The following TBC1D2B variants were observed in gnomAD, a reference collection of about 807,000 sequenced individuals.
TBC1D2B encodes the protein TBC1 domain family, member 2B.
A neutral mutation model predicts 100.8 loss-of-function variants in TBC1D2B; 64 were observed. That is an observed-to-expected ratio of 0.64 (90% CI 0.52 to 0.78). The LOEUF (loss-of-function observed/expected upper bound fraction) is 0.78. Ranked by LOEUF, TBC1D2B falls within the 30% of genes least tolerant of loss-of-function variation. TBC1D2B has a pLI of 0.00. For synonymous variants in TBC1D2B, 480 were observed against 479.7 expected, an observed-to-expected ratio of 1.00 and a Z score of -0.01; for missense variants, 1,052 against 1,218.4, an observed-to-expected ratio of 0.86 and a Z score of 2.03.
In TBC1D2B at chr15:78,019,158, C is replaced by T. The variant is rs549416358; in HGVS notation, c.1471-1201G>A. Among the ~76,000 whole-genome samples the T allele has an allele frequency of 2.1e-3, 313 of 152,200 alleles. 1 individual carries two copies. The highest frequency in any genetic ancestry group is 7.1e-3 in the African/African-American group (293 of 41,526). Reference sequence around the variant, plus strand: ...AACAAGAAACCACCACGGGATTATACCACTTCCCCCATAAAATGCAGAAGA... The same window carrying T: ...AACAAGAAACCACCACGGGATTATATCACTTCCCCCATAAAATGCAGAAGA... On this transcript the variant is annotated intron_variant, in intron 6 of 12. Coordinates refer to ENST00000300584, the MANE Select transcript of TBC1D2B (RefSeq NM_144572.2).
chr15:78,004,576 CG>C (rs2141627223), intron 10 of TBC1D2B, among the ~76,000 whole-genome samples: 1 of 152,362 alleles, frequency 6.6e-6, no homozygotes, highest in South Asian at 2.1e-4. Context: ...CCACGTGAAC[CG>C]GTATGCACGT....
intron 12 of TBC1D2B, chr15:77,999,078 C>T: frequency 3.4e-6 from 1 of 291,766 alleles, no homozygotes; most frequent in South Asian, 2.9e-5. Flanking sequence ...ATGGGTCAGC[C>T]ACACTGGTCT....
At chr15:78,062,219 C>T (rs2073562069) in intron 1 of TBC1D2B, among the ~76,000 whole-genome samples, 1 of 152,208 alleles carries the variant, frequency 6.6e-6, no homozygotes, top group South Asian at 2.1e-4. Flanking sequence ...CCTAACATTT[C>T]TATTCTCTTG....
rs554579277 is a variant in TBC1D2B at position 78,074,722 on chromosome 15, A to G, written c.360+2571T>C. Among the ~76,000 whole-genome samples, 4 of 152,302 alleles carry G rather than the reference A, an allele frequency of 2.6e-5. No homozygotes were observed. The South Asian group carries it at 8.3e-4, about 32-fold the overall frequency. On this transcript the variant is annotated intron_variant, in intron 1 of 12. Coordinates refer to ENST00000300584, the MANE Select transcript of TBC1D2B (RefSeq NM_144572.2). ...AGCATACATCCTTATGATCTGTAGTACTGTTTCACATGATCTTCCTAACCT... is the reference window on the plus strand; with the variant it reads ...AGCATACATCCTTATGATCTGTAGTGCTGTTTCACATGATCTTCCTAACCT...
At chr15:78,047,296 C>T (rs80302804) in intron 2 of TBC1D2B, among the ~76,000 whole-genome samples, 3,956 of 151,666 alleles carry the variant, frequency 0.026, 61 homozygotes, top group Non-Finnish European at 0.029. Context: ...ATTGCCAGTT[C>T]TTGGTTTTAC....
chr15:78,065,895 T>G (rs1475577496), intron 1 of TBC1D2B: 1 of 394,810 alleles, frequency 2.5e-6, no homozygotes, highest in African/African-American at 2.0e-5. Context: ...TACAGGAATG[T>G]TTGGGAACCA....
intron 9 of TBC1D2B, among the ~76,000 whole-genome samples, chr15:78,009,753 T>A (rs1195557033): frequency 1.3e-5 from 2 of 152,152 alleles, no homozygotes; most frequent in Admixed American, 1.3e-4. Flanking sequence ...GGCGGGCAGA[T>A]CACGAGGTCA....
chr15:78,055,482 T>A (rs989394089), intron 1 of TBC1D2B, among the ~76,000 whole-genome samples: 6 of 152,112 alleles, frequency 3.9e-5, no homozygotes, highest in African/African-American at 1.4e-4. Context: ...AACACTGGCA[T>A]CCAGTGACAT....
At chr15:78,023,146 C>T (rs1394058472) in intron 6 of TBC1D2B, among the ~76,000 whole-genome samples, 3 of 152,202 alleles carry the variant, frequency 2.0e-5, no homozygotes, top group African/African-American at 7.2e-5. Flanking sequence ...TCAGTAACAA[C>T]CTGGACAGCA....
At chr15:78,000,295 C>T (rs917941506) in intron 12 of TBC1D2B, among the ~76,000 whole-genome samples, 5 of 152,200 alleles carry the variant, frequency 3.3e-5, no homozygotes, top group Admixed American at 6.5e-5. Context: ...CAGGGAAGGG[C>T]GGGCACTCAC....
intron 8 of TBC1D2B, 40 bp from the exon 9 acceptor site, chr15:78,013,357 T>A: frequency 1.3e-6 from 2 of 1,512,098 alleles, no homozygotes; most frequent in African/African-American, 1.4e-5. Flanking sequence ...AATGACAAAG[T>A]TTTAGCAACA....
At chr15:78,038,252 C>T (rs1352520592) in intron 3 of TBC1D2B, among the ~76,000 whole-genome samples, 1 of 152,196 alleles carries the variant, frequency 6.6e-6, no homozygotes, top group Non-Finnish European at 1.5e-5. Context: ...AGCTCCCAGC[C>T]TTGCAAGAGA....
At chr15:78,036,532 G>A (rs1234038042) in intron 3 of TBC1D2B, among the ~76,000 whole-genome samples, 1 of 152,166 alleles carries the variant, frequency 6.6e-6, no homozygotes, top group Non-Finnish European at 1.5e-5. Context: ...CAGCAATGTG[G>A]CCAAGGAAGC....
intron 1 of TBC1D2B, among the ~76,000 whole-genome samples, chr15:78,074,109 C>T (rs1181709012): frequency 6.7e-6 from 1 of 148,492 alleles, no homozygotes; most frequent in Non-Finnish European, 1.5e-5. Context: ...CTGCAACCTC[C>T]GCCTCCCGGG....
chr15:78,032,267 T>C (rs1411283839), intron 3 of TBC1D2B, among the ~76,000 whole-genome samples: 1 of 152,114 alleles, frequency 6.6e-6, no homozygotes, highest in African/African-American at 2.4e-5. Context: ...ATCAGAAAGA[T>C]TACTGAGAAA....
chr15:78,029,252 T>C (rs1176076097), intron 4 of TBC1D2B, among the ~76,000 whole-genome samples: 1 of 152,018 alleles, frequency 6.6e-6, no homozygotes, highest in Non-Finnish European at 1.5e-5. Context: ...AGAGATGGAG[T>C]TTCACCATGT....
chr15:78,053,984 G>A (rs761435267), intron 2 of TBC1D2B, 50 bp downstream of exon 2: 30 of 1,550,228 alleles, frequency 1.9e-5, no homozygotes, highest in Non-Finnish European at 2.4e-5. Context: ...ATGTGGTATC[G>A]AATGGCTTAC....
At position 78,024,572 on chromosome 15, in the gene TBC1D2B, GAA is replaced by G. The variant is rs1309998983; in HGVS notation, c.1087-35_1087-34del. 3.2e-6 allele frequency: 5 copies of G among 1,570,354 alleles called. No homozygotes were observed. The East Asian group carries it at 1.1e-4, about 35-fold the overall frequency. On this transcript the variant is annotated intron_variant, in intron 5 of 12. Transcript: ENST00000300584. The stretch of plus-strand genomic sequence containing the variant: ...CCAAAAGGAGAATGGAGTGAAGGGT[GAA>G]AAGAGCAAGGAGAGGAGGAAAAGCA...
chr15:78,037,415 G>T (rs2072970087), intron 3 of TBC1D2B, among the ~76,000 whole-genome samples: 1 of 152,168 alleles, frequency 6.6e-6, no homozygotes, highest in Non-Finnish European at 1.5e-5. Flanking sequence ...AACCCACACT[G>T]CAAAGAATAA....
Sources: allele counts gnomAD v4.1 joint callset (sites outside exome capture counted in the v4.1 genomes callset), GRCh38; gene constraint gnomAD v4.1.1; transcripts MANE v1.5; gene names NCBI Gene and HGNC (gene_info 2026-07-23, HGNC 2026-07-21).